Variants in CNOT3 observed in about 807,000 individuals in gnomAD.
CNOT3 encodes CCR4-associated factor 3.
A neutral mutation model predicts 89.4 loss-of-function variants in CNOT3; 2 were observed. That is an observed-to-expected ratio of 0.02 (90% CI 0.01 to 0.07). The LOEUF (loss-of-function observed/expected upper bound fraction) is 0.07, where lower values mean the gene tolerates loss of function less well. Ranked by LOEUF, CNOT3 falls within the 10% of genes least tolerant of loss-of-function variation. The probability of loss-of-function intolerance (pLI) is 1.00; values close to 1 mark genes in which losing one functional copy is unlikely to be tolerated. For synonymous variants in CNOT3, 486 were observed against 402.0 expected (o/e 1.21, Z -2.50); for missense variants, 664 against 1,010.2 (o/e 0.66, Z 4.65).
Position 54,154,990 on chromosome 19 carries a change from G to A in CNOT3, c.2164-319G>A, listed in dbSNP as rs371001261. The A allele has an allele frequency of 4.1e-5, 18 of 437,602 alleles. No individual in the cohort carries two copies. In the Admixed American group the frequency reaches 4.5e-4, roughly 11 times the overall value. The allele number at this position is 437,602 out of a possible 1,614,324, so 27.1% of individuals were successfully genotyped here. A position where few individuals can be genotyped will look rare whatever the true frequency, so the allele number is the denominator to read the frequency against. On this transcript the variant is annotated intron_variant, in intron 17 of 17. Transcript: ENST00000221232. Reference sequence around the variant, plus strand: ...GCTAGGCTGTGCATCCTGTACTCACGTGAGAGGTGCTCAAAAGCCACAGCC... The same window carrying A: ...GCTAGGCTGTGCATCCTGTACTCACATGAGAGGTGCTCAAAAGCCACAGCC...
Position 54,148,450 on chromosome 19 carries a change from AGGCGGC to A in CNOT3, c.1201_1206del (p.Gly401_Gly402del), listed in dbSNP as rs759703178. On this transcript the variant is annotated inframe_deletion, in exon 11 of 18. Coordinates refer to ENST00000221232, the MANE Select transcript of CNOT3 (RefSeq NM_014516.4). This position sits in a 1 kb window ranked among gnomAD's most constrained non-coding sequence, Gnocchi z 6.3. The stretch of plus-strand genomic sequence containing the variant: ...CCAGCGTCCAGCCTAGCGGAGGCGG[AGGCGGC>A]GGCAGCGGAGGCGGAGGGAGCAGCA... 3 of 1,566,114 alleles carry A rather than the reference AGGCGGC, an allele frequency of 1.9e-6. No individual in the cohort carries two copies. The highest frequency in any genetic ancestry group is 1.4e-5 in the African/African-American group (1 of 73,816).
chr19:54,148,495 C>T lies in CNOT3; in HGVS notation c.1242C>T (p.Ser414=). The part of the protein sequence containing the change: ...GGGGSSSSSN[S]SAGGGAGKQN... ...GAGGGAGCAGCAGCAGTAGTAACAG[C>T]AGTGCCGGTGGAGGGGCTGGCAAGC... Residue 414 remains serine, a synonymous_variant, in exon 11 of 18, where the codon AGC becomes AGT. Transcript: ENST00000221232. This position sits in a 1 kb window ranked among gnomAD's most constrained non-coding sequence, Gnocchi z 6.3. 6.4e-7 allele frequency: 1 copy of T among 1,560,712 alleles called. No individual in the cohort carries two copies. The highest frequency in any genetic ancestry group is 8.7e-7 in the Non-Finnish European group (1 of 1,150,444).
chr19:54,146,324 C>T (rs1451569727), intron 9 of CNOT3, among the ~76,000 whole-genome samples: 1 of 152,126 alleles, frequency 6.6e-6, no homozygotes, highest in Non-Finnish European at 1.5e-5. Context: ...TAGCTGGCCA[C>T]CTTGGGCAGG....
chr19:54,152,880 C>A lies in CNOT3; in HGVS notation c.1918C>A (p.Arg640=), dbSNP rs201217351. Reference sequence around the variant, plus strand: ...TTGCTCTCACAGGCAGTACCTCCCCCGGAACCCCTGTCCGACGCCCCCCTA... The same window carrying A: ...TTGCTCTCACAGGCAGTACCTCCCCAGGAACCCCTGTCCGACGCCCCCCTA... The part of the protein sequence containing the change: ...DSERIRQYLP[R]NPCPTPPYHH... Residue 640 remains arginine (R), a synonymous_variant, in exon 16 of 18, where the codon CGG becomes AGG. Transcript: ENST00000221232. The A allele has an allele frequency of 3.4e-6, 5 of 1,479,916 alleles. No homozygotes were observed. In the Admixed American group the frequency reaches 5.6e-5, roughly 17 times the overall value. 91.7% of individuals were successfully genotyped at this position (1,479,916 alleles called of 1,614,324 possible).
chr19:54,155,097 C>T (rs112673554), intron 17 of CNOT3: 11 of 593,642 alleles, frequency 1.9e-5, no homozygotes, highest in African/African-American at 1.3e-4. Context: ...CCTCTGCGGC[C>T]CCCTCCGTTT....
At chr19:54,143,047 T>A (rs778549411) in intron 2 of CNOT3, 44 bp downstream of exon 2, 2 of 1,613,600 alleles carry the variant, frequency 1.2e-6, no homozygotes, top group Non-Finnish European at 1.7e-6. Flanking sequence ...ACATGCTCCC[T>A]CTTCTGAGGA....
intron 13 of CNOT3, among the ~76,000 whole-genome samples, chr19:54,150,054 T>TC (rs1342187905): frequency 7.9e-5 from 12 of 151,792 alleles, no homozygotes; most frequent in Admixed American, 2.0e-4. Flanking sequence ...TCCATCTTCA[T>TC]CCCCCCCGCA....
chr19:54,143,604 G>A (rs2074545197), intron 4 of CNOT3, 56 bp from the exon 5 acceptor site: 1 of 1,604,622 alleles, frequency 6.2e-7, no homozygotes, highest in Middle Eastern at 1.7e-4. Context: ...AGAAGGAGCT[G>A]TGGGCCCCAG....
intron 13 of CNOT3, among the ~76,000 whole-genome samples, chr19:54,150,560 C>T (rs1173924137): frequency 9.2e-5 from 14 of 151,976 alleles, no homozygotes; most frequent in African/African-American, 3.4e-4. Flanking sequence ...ATGGGGGGAC[C>T]AGTGTGTATG....
Position 54,145,992 on chromosome 19 carries a change from C to T in CNOT3, c.786C>T (p.Thr262=). The change falls in exon 9 of 18, where the codon ACC becomes ACT. Residue 262 remains threonine, a synonymous_variant. Coordinates refer to ENST00000221232, the MANE Select transcript of CNOT3 (RefSeq NM_014516.4). The surrounding 1 kb of genome is among the most constrained non-coding windows in gnomAD (Gnocchi z 5.9). Reference sequence around the variant, plus strand: ...TCAACCAGTCCAGCAGCACGCCCACCTCAACCACCTCCAGCTCTCCCATCC... The same window carrying T: ...TCAACCAGTCCAGCAGCACGCCCACTTCAACCACCTCCAGCTCTCCCATCC... ...EIFNQSSSTP[T]STTSSSPIPP... is the part of the protein sequence containing the mutation. 6.2e-7 allele frequency: 1 copy of T among 1,613,862 alleles called. No individual in the cohort carries two copies. Among genetic ancestry groups the T allele is most frequent in the South Asian group, 1.1e-5 (1 of 91,082 alleles).
chr19:54,153,070 C>A, intron 16 of CNOT3, 71 bp downstream of exon 16: 1 of 1,528,852 alleles, frequency 6.5e-7, no homozygotes, highest in African/African-American at 1.4e-5. Flanking sequence ...CCCCCTCGGG[C>A]TGGAGGGGTG....
In CNOT3 at chr19:54,148,671, G is replaced by A. The variant is rs1280596106; in HGVS notation, c.1334G>A (p.Ser445Asn). 1 of 1,611,172 alleles carries A rather than the reference G, an allele frequency of 6.2e-7. No homozygotes were observed. The highest frequency in any genetic ancestry group is 8.5e-7 in the Non-Finnish European group (1 of 1,178,794). The change falls in exon 12 of 18, where the codon AGT becomes AAT. Residue 445 changes from serine (S) to asparagine (N), a missense_variant. Physicochemically the swap from Ser to Asn is conservative, Grantham distance 46. Transcript: ENST00000221232. This position sits in a 1 kb window ranked among gnomAD's most constrained non-coding sequence, Gnocchi z 6.3. ...CCGGCAGAGGTGGCTTTGAGCAGCA[G>A]TGGGGGCAACAATGCCAGCAGCCAG... ...DSPAEVALSS[S>N]GGNNASSQAL...
chr19:54,142,847 C>A lies in CNOT3; in HGVS notation c.-50-82C>A. 4 of 867,816 alleles carry A rather than the reference C, an allele frequency of 4.6e-6. No individual in the cohort carries two copies. In the African/African-American group the frequency reaches 6.6e-5, roughly 14 times the overall value. 53.8% of individuals were successfully genotyped at this position (867,816 alleles called of 1,614,324 possible). The stretch of plus-strand genomic sequence containing the variant: ...TTCTCTTTACCAGTCCCACCTACCT[C>A]ACTATGCTGACTAGGTCCATGTCTC... On this transcript the variant is annotated intron_variant, in intron 1 of 17. Transcript: ENST00000221232.
Position 54,148,762 on chromosome 19 carries a change from G to A in CNOT3, c.1406+19G>A, listed in dbSNP as rs1211521155. The A allele has an allele frequency of 8.7e-6, 14 of 1,606,616 alleles. No homozygotes were observed. The highest frequency in any genetic ancestry group is 4.5e-5 in the East Asian group (2 of 44,688). ...GCACCTCGTGAGTGTCTCGGCCATC[G>A]GCAGGGTTGGGATGGCAGCCTTTTG... On this transcript the variant is annotated intron_variant, in intron 12 of 17. Coordinates refer to ENST00000221232, the MANE Select transcript of CNOT3 (RefSeq NM_014516.4). This position sits in a 1 kb window ranked among gnomAD's most constrained non-coding sequence, Gnocchi z 6.3.
intron 13 of CNOT3, among the ~76,000 whole-genome samples, chr19:54,151,506 C>T (rs2075105121): frequency 1.3e-5 from 2 of 152,238 alleles, no homozygotes; most frequent in Non-Finnish European, 1.5e-5. Context: ...GAGTTTGAGA[C>T]CTGCCTGGGC....
At position 54,148,795 on chromosome 19, in the gene CNOT3, G is replaced by A. The variant is rs1415714713; in HGVS notation, c.1406+52G>A. 5.7e-6 allele frequency: 9 copies of A among 1,581,252 alleles called. No homozygotes were observed. Among genetic ancestry groups the A allele is most frequent in the South Asian group, 1.1e-5 (1 of 87,186 alleles). On this transcript the variant is annotated intron_variant, in intron 12 of 17. Coordinates refer to ENST00000221232, the MANE Select transcript of CNOT3 (RefSeq NM_014516.4). The surrounding 1 kb of genome is among the most constrained non-coding windows in gnomAD (Gnocchi z 6.3). ...TGGGATGGCAGCCTTTTGAAACAGA[G>A]AGGCGCAGGCGCCTCACCCCCGCAT...
chr19:54,148,228 C>T lies in CNOT3; in HGVS notation c.975C>T (p.Ser325=), dbSNP rs370792103. Residue 325 remains serine (S), a synonymous_variant, in exon 11 of 18, where the codon TCC becomes TCT. Transcript: ENST00000221232. The surrounding 1 kb of genome is among the most constrained non-coding windows in gnomAD (Gnocchi z 6.3). ...CAGCTGTGCCGCCCACCTACCCCTC[C>T]GGCCCCCCGCCTGCTGCCTCTGCCT... The part of the protein sequence containing the change: ...QSPAVPPTYP[S]GPPPAASALS... 75 of 1,597,534 alleles carry T rather than the reference C, an allele frequency of 4.7e-5. No homozygotes were observed. The highest frequency in any genetic ancestry group is 6.7e-5 in the African/African-American group (5 of 74,612).
At chr19:54,143,775 G>A in intron 5 of CNOT3, 26 bp downstream of exon 5, 1 of 1,605,492 alleles carries the variant, frequency 6.2e-7, no homozygotes, top group Non-Finnish European at 8.5e-7. Flanking sequence ...CTGAGTCCCA[G>A]AGAGGTGGGA....
chr19:54,155,147 GA>G (rs2075342279), intron 17 of CNOT3, 161 bp from the exon 18 acceptor site: 2 of 720,334 alleles, frequency 2.8e-6, no homozygotes, highest in Non-Finnish European at 4.4e-6. Context: ...TCCTACCCAA[GA>G]AGAACCTTGT....
Sources: allele counts gnomAD v4.1 joint callset (sites outside exome capture counted in the v4.1 genomes callset), GRCh38; gene constraint gnomAD v4.1.1; non-coding constraint Gnocchi (gnomAD v3.1); transcripts MANE v1.5; gene names NCBI Gene and HGNC (gene_info 2026-07-23, HGNC 2026-07-21).